MARCHF4: variants seen among roughly 807,000 people sequenced by gnomAD.
The protein encoded by MARCHF4 is E3 ubiquitin-protein ligase MARCHF4.
In MARCHF4, 14 loss-of-function variants were observed where a neutral mutation model predicts 43.9. The observed-to-expected ratio is 0.32, with a 90% CI of 0.21 to 0.50. The LOEUF (loss-of-function observed/expected upper bound fraction) is 0.50. MARCHF4 is among the 20% of genes least tolerant of loss of function. MARCHF4 has a pLI of 0.98. For synonymous variants in MARCHF4, 226 were observed against 213.3 expected (o/e 1.06, Z -0.52); for missense variants, 468 against 536.7 (o/e 0.87, Z 1.27).
chr2:216,279,885 G>A (rs1400321758), intron 2 of MARCHF4, among the ~76,000 whole-genome samples: 1 of 152,188 alleles, frequency 6.6e-6, no homozygotes, highest in Non-Finnish European at 1.5e-5. Context: ...CTGCCCTCCT[G>A]CCTGGAAAGA....
At chr2:216,315,107 C>T (rs1348193046) in intron 1 of MARCHF4, among the ~76,000 whole-genome samples, 1 of 152,070 alleles carries the variant, frequency 6.6e-6, no homozygotes, top group Admixed American at 6.5e-5. Flanking sequence ...AAATTTAATA[C>T]TCCCAAAGAA....
At chr2:216,320,834 C>CTTT (rs1181410298) in intron 1 of MARCHF4, among the ~76,000 whole-genome samples, 3 of 116,834 alleles carry the variant, frequency 2.6e-5, no homozygotes, top group Non-Finnish European at 3.5e-5. Flanking sequence ...CCATGCCTGG[C>CTTT]TTTTTTTTTT....
intron 1 of MARCHF4, among the ~76,000 whole-genome samples, chr2:216,312,921 T>A (rs200299228): frequency 7.0e-4 from 1 of 1,420 alleles, no homozygotes; most frequent in South Asian, 0.062. Flanking sequence ...GTTTTGTTGC[T>A]TTGCTTTTGG....
chr2:216,324,658 A>G (rs1559099930), intron 1 of MARCHF4, among the ~76,000 whole-genome samples: 1 of 150,674 alleles, frequency 6.6e-6, no homozygotes, highest in Non-Finnish European at 1.5e-5. Flanking sequence ...AGGCTGGTTC[A>G]ATATATGCAA....
chr2:216,336,742 T>TAAAAAAAAAAAAAAAAAAAAAAAAAAAAA lies in MARCHF4; in HGVS notation c.516+33002_516+33003insTTTTTTTTTTTTTTTTTTTTTTTTTTTTT, dbSNP rs58031229. Among the ~76,000 whole-genome samples the TAAAAAAAAAAAAAAAAAAAAAAAAAAAAA allele has an allele frequency of 1.8e-4, 10 of 55,668 alleles. 2 individuals carry two copies. Among genetic ancestry groups the TAAAAAAAAAAAAAAAAAAAAAAAAAAAAA allele is most frequent in the East Asian group, 2.6e-3 (2 of 758 alleles). The allele number at this position is 55,668 out of a possible 152,430, so 36.5% of individuals were successfully genotyped here. ...GGCAAATGGGAAAGGCAAATAGATTTAAAAAAAAAAAAAAAAAAAAAAAAA... is the reference window on the plus strand; with the variant it reads ...GGCAAATGGGAAAGGCAAATAGATTTAAAAAAAAAAAAAAAAAAAAAAAAAAAAAAAAAAAAAAAAAAAAAAAAAAAAAA... On this transcript the variant is annotated intron_variant, in intron 1 of 3. Coordinates refer to ENST00000273067, the MANE Select transcript of MARCHF4 (RefSeq NM_020814.3).
chr2:216,266,541 T>C (rs987047716), intron 3 of MARCHF4, among the ~76,000 whole-genome samples: 1 of 152,126 alleles, frequency 6.6e-6, no homozygotes, highest in East Asian at 1.9e-4. Context: ...TAAAAAGCAC[T>C]CTAGAGACCA....
intron 1 of MARCHF4, among the ~76,000 whole-genome samples, chr2:216,350,921 A>T (rs374080923): frequency 6.6e-6 from 1 of 152,308 alleles, no homozygotes; most frequent in South Asian, 2.1e-4. Flanking sequence ...AAATTTAATT[A>T]TGCTTAATTA....
intron 1 of MARCHF4, among the ~76,000 whole-genome samples, chr2:216,333,276 A>G (rs1422813985): frequency 6.6e-6 from 1 of 152,256 alleles, no homozygotes; most frequent in Non-Finnish European, 1.5e-5. Context: ...AAAACATATA[A>G]AGAACTCTTA....
chr2:216,340,214 G>A (rs527293461), intron 1 of MARCHF4, among the ~76,000 whole-genome samples: 17 of 152,334 alleles, frequency 1.1e-4, no homozygotes, highest in African/African-American at 2.9e-4. Flanking sequence ...CAGCCTGGGT[G>A]CTTGGAACCA....
At chr2:216,353,294 T>G (rs1486102276) in intron 1 of MARCHF4, among the ~76,000 whole-genome samples, 1 of 152,220 alleles carries the variant, frequency 6.6e-6, no homozygotes, top group Non-Finnish European at 1.5e-5. Context: ...CTCCCACCCA[T>G]TCTCTTTGAT....
At chr2:216,285,984 C>T (rs452381) in intron 1 of MARCHF4, among the ~76,000 whole-genome samples, 66,671 of 152,024 alleles carry the variant, frequency 0.44, 14,731 homozygotes, top group East Asian at 0.56. Flanking sequence ...GCAGGAAGAG[C>T]TGCTGCCTGG....
At position 216,370,255 on chromosome 2, in the gene MARCHF4, C is replaced by T; in HGVS notation, c.6G>A (p.Leu2=). M[L]MPLCGLLWWW... Reference sequence around the variant, plus strand: ...ACCAGAGCAGCCCACACAGGGGCATCAGCATGTGCCCCGTGGAAGTAGAGA... The same window carrying T: ...ACCAGAGCAGCCCACACAGGGGCATTAGCATGTGCCCCGTGGAAGTAGAGA... Residue 2 remains leucine (L), a synonymous_variant, in exon 1 of 4, where the codon CTG becomes CTA. Transcript: ENST00000273067. 1.2e-6 allele frequency: 2 copies of T among 1,600,158 alleles called. No individual in the cohort carries two copies. The highest frequency in any genetic ancestry group is 1.7e-6 in the Non-Finnish European group (2 of 1,170,798).
chr2:216,366,132 T>A (rs1391489075), intron 1 of MARCHF4, among the ~76,000 whole-genome samples: 2 of 152,204 alleles, frequency 1.3e-5, no homozygotes, highest in Non-Finnish European at 2.9e-5. Flanking sequence ...ATGGCACTGC[T>A]CTTATAGTAT....
At chr2:216,267,676 A>G (rs1690867744) in intron 3 of MARCHF4, among the ~76,000 whole-genome samples, 1 of 152,174 alleles carries the variant, frequency 6.6e-6, no homozygotes, top group Non-Finnish European at 1.5e-5. Flanking sequence ...CGTGTTTCAT[A>G]TTGTCCCCAA....
chr2:216,355,031 G>C (rs1181798451), intron 1 of MARCHF4, among the ~76,000 whole-genome samples: 1 of 148,636 alleles, frequency 6.7e-6, no homozygotes, highest in East Asian at 2.0e-4. Context: ...GAGTGCAGTG[G>C]TGCGATCTTG....
At chr2:216,301,407 C>A (rs1480208741) in intron 1 of MARCHF4, among the ~76,000 whole-genome samples, 1 of 152,204 alleles carries the variant, frequency 6.6e-6, no homozygotes, top group Non-Finnish European at 1.5e-5. Flanking sequence ...ATGAGAGAAG[C>A]ACCACATAGT....
chr2:216,303,232 T>A (rs1182592772), intron 1 of MARCHF4: 1 of 152,238 alleles, frequency 6.6e-6, no homozygotes, highest in Non-Finnish European at 1.5e-5. Flanking sequence ...AAGATGACAT[T>A]GGTTCATTGT....
In MARCHF4 at chr2:216,370,251, G is replaced by T. The variant is rs1692738057; in HGVS notation, c.10C>A (p.Pro4Thr). The T allele has an allele frequency of 2.5e-6, 4 of 1,602,010 alleles. No individual in the cohort carries two copies. Among genetic ancestry groups the T allele is most frequent in the Non-Finnish European group, 3.4e-6 (4 of 1,171,936 alleles). The change falls in exon 1 of 4, where the codon CCC (proline) becomes ACC (threonine). Residue 4 changes from proline (P) to threonine (T), a missense_variant. Around this residue, in one of 3 missense-constraint regions of MARCHF4, gnomAD observed 190 missense variants for 158.5 expected, o/e 1.20. Coordinates refer to ENST00000273067, the MANE Select transcript of MARCHF4 (RefSeq NM_020814.3). MLM[P>T]LCGLLWWWWC... ...CACCACCAGAGCAGCCCACACAGGG[G>T]CATCAGCATGTGCCCCGTGGAAGTA...
At chr2:216,288,782 A>T (rs1691259724) in intron 1 of MARCHF4, among the ~76,000 whole-genome samples, 1 of 152,142 alleles carries the variant, frequency 6.6e-6, no homozygotes, top group Non-Finnish European at 1.5e-5. Context: ...AGTGGGAGAC[A>T]ATAATATGCC....
Sources: gnomAD v4.1 joint callset for allele counts (sites outside exome capture counted in the v4.1 genomes callset) on GRCh38, gnomAD v4.1.1 for gene constraint, gnomAD v4.1.1 regional missense constraint, MANE v1.5 for transcripts, NCBI Gene and HGNC (gene_info 2026-07-23, HGNC 2026-07-21) for gene names.